UBE2E3: variants seen among roughly 807,000 people sequenced by gnomAD.
UBE2E3 encodes the protein ubiquitin-conjugating enzyme E2 E3.
A neutral mutation model predicts 23.6 loss-of-function variants in UBE2E3; 5 were observed. That is an observed-to-expected ratio of 0.21 (90% CI 0.11 to 0.44). The LOEUF is 0.44. Ranked by LOEUF, UBE2E3 falls within the 20% of genes least tolerant of loss-of-function variation. The pLI is 0.99. For synonymous variants in UBE2E3, 78 were observed against 87.5 expected, an observed-to-expected ratio of 0.89 and a Z score of 0.60; for missense variants, 81 against 249.8, an observed-to-expected ratio of 0.32 and a Z score of 4.55.
In UBE2E3 at chr2:181,047,253, C is replaced by T. The variant is rs148599386; in HGVS notation, c.246-10440C>T. ...TGTTAAACACCTGTTAGAGGTCTGA[C>T]ATGTATTATTGGGACTTAGGTGTGG... On this transcript the variant is annotated intron_variant, in intron 3 of 5. Coordinates refer to ENST00000410062, the MANE Select transcript of UBE2E3 (RefSeq NM_006357.4). Among the ~76,000 whole-genome samples, 299 of 152,210 alleles carry T rather than the reference C, an allele frequency of 2.0e-3. 1 individual carries two copies. Among genetic ancestry groups the T allele is most frequent in the South Asian group, 4.1e-3 (20 of 4,822 alleles).
In UBE2E3 at chr2:181,057,714, C is replaced by T. The variant is rs1362223457; in HGVS notation, c.267C>T (p.Asn89=). 6 of 1,609,452 alleles carry T rather than the reference C, an allele frequency of 3.7e-6. No homozygotes were observed. The highest frequency in any genetic ancestry group is 1.9e-4 in the Middle Eastern group (1 of 5,290). The change falls in exon 4 of 6, where the codon AAC becomes AAT. Residue 89 remains asparagine, a synonymous_variant. Coordinates refer to ENST00000410062, the MANE Select transcript of UBE2E3 (RefSeq NM_006357.4). ...PNCSAGPKGD[N]IYEWRSTILG... ...ATAGTGCTGGGCCTAAAGGAGATAACATTTATGAATGGAGATCAACTATAC... is the reference window on the plus strand; with the variant it reads ...ATAGTGCTGGGCCTAAAGGAGATAATATTTATGAATGGAGATCAACTATAC...
intron 3 of UBE2E3, among the ~76,000 whole-genome samples, chr2:181,047,501 T>C (rs1194150053): frequency 3.3e-5 from 5 of 152,178 alleles, no homozygotes; most frequent in Admixed American, 3.3e-4. Flanking sequence ...AACTTTTTTT[T>C]CAACATCCAT....
At chr2:181,060,290 T>G (rs1195432575) in intron 4 of UBE2E3, among the ~76,000 whole-genome samples, 1 of 151,758 alleles carries the variant, frequency 6.6e-6, no homozygotes, top group Non-Finnish European at 1.5e-5. Context: ...CAGTTCCTCT[T>G]ACCTTCGGCA....
At chr2:180,993,397 T>C (rs1684729237) in intron 3 of UBE2E3, among the ~76,000 whole-genome samples, 1 of 152,242 alleles carries the variant, frequency 6.6e-6, no homozygotes. Context: ...TGCTTTAGTG[T>C]TCCAGAGCAA....
chr2:180,984,912 T>C (rs1027678757), intron 3 of UBE2E3, among the ~76,000 whole-genome samples: 1 of 152,108 alleles, frequency 6.6e-6, no homozygotes, highest in Non-Finnish European at 1.5e-5. Flanking sequence ...AACAATATTG[T>C]AGATAGTTTG....
intron 3 of UBE2E3, among the ~76,000 whole-genome samples, chr2:181,021,340 G>A (rs977967220): frequency 6.7e-6 from 1 of 149,648 alleles, no homozygotes; most frequent in African/African-American, 2.5e-5. Context: ...CCATTACAGT[G>A]TTTCTTCTTT....
chr2:181,022,503 A>G (rs879778768), intron 3 of UBE2E3, among the ~76,000 whole-genome samples: 3 of 152,052 alleles, frequency 2.0e-5, no homozygotes, highest in Non-Finnish European at 2.9e-5. Flanking sequence ...CTCAGTGTAT[A>G]TTGTTGATTC....
intron 3 of UBE2E3, among the ~76,000 whole-genome samples, chr2:181,007,068 C>G (rs1685171751): frequency 6.6e-6 from 1 of 152,172 alleles, no homozygotes; most frequent in African/African-American, 2.4e-5. Flanking sequence ...TCTTTCATCT[C>G]CCAGTCCTTC....
intron 3 of UBE2E3, among the ~76,000 whole-genome samples, chr2:180,987,737 C>G (rs1301946404): frequency 6.6e-6 from 1 of 152,076 alleles, no homozygotes; most frequent in African/African-American, 2.4e-5. Context: ...GCCTAATTGT[C>G]TGAGGATAAA....
At chr2:181,056,358 G>A (rs1686988253) in intron 3 of UBE2E3, among the ~76,000 whole-genome samples, 1 of 151,740 alleles carries the variant, frequency 6.6e-6, no homozygotes, top group South Asian at 2.1e-4. Context: ...ACCTGAGACT[G>A]AGTAGGTTAT....
chr2:181,017,198 G>A lies in UBE2E3; in HGVS notation c.245+33105G>A, dbSNP rs188764319. On this transcript the variant is annotated intron_variant, in intron 3 of 5. Transcript: ENST00000410062. ...AGCCTGAAGGAAGGACATAGGGATC[G>A]GGAGTATGGAAGAATCACAGGGGCT... is the stretch of plus-strand genomic sequence containing the variant. Among the ~76,000 whole-genome samples the A allele has an allele frequency of 1.1e-3, 159 of 142,316 alleles. No homozygotes were observed. The East Asian group carries it at 0.027, about 24-fold the overall frequency. The allele number at this position is 142,316 out of a possible 152,430, so 93.4% of individuals were successfully genotyped here. A position where few individuals can be genotyped will look rare whatever the true frequency, so the allele number is the denominator to read the frequency against.
intron 3 of UBE2E3, among the ~76,000 whole-genome samples, chr2:181,057,123 G>A (rs1384962587): frequency 6.6e-6 from 1 of 151,790 alleles, no homozygotes; most frequent in Non-Finnish European, 1.5e-5. Context: ...TAAAGACACA[G>A]GAAATAACGT....
At chr2:180,986,355 ACTTTGT>A (rs1308167978) in intron 3 of UBE2E3, among the ~76,000 whole-genome samples, 6 of 152,112 alleles carry the variant, frequency 3.9e-5, no homozygotes, top group African/African-American at 1.4e-4. Context: ...ATATCCAGAT[ACTTTGT>A]CTTCAAATTC....
rs143994835 is a variant in UBE2E3 at position 181,040,971 on chromosome 2, C to T, written c.246-16722C>T. ...TTTCTCCAAAGAAATGCTTCAGGGC[C>T]GAGTGCAGTGGCTGACGCCTGTAAT... On this transcript the variant is annotated intron_variant, in intron 3 of 5. Coordinates refer to ENST00000410062, the MANE Select transcript of UBE2E3 (RefSeq NM_006357.4). Among the ~76,000 whole-genome samples, 988 of 152,104 alleles carry T rather than the reference C, an allele frequency of 6.5e-3. 6 individuals carry two copies. Among genetic ancestry groups the T allele is most frequent in the African/African-American group, 0.015 (605 of 41,494 alleles).
At chr2:180,992,959 A>T (rs967723558) in intron 3 of UBE2E3, among the ~76,000 whole-genome samples, 1 of 152,224 alleles carries the variant, frequency 6.6e-6, no homozygotes, top group Admixed American at 6.5e-5. Context: ...TCTCAGGGCA[A>T]CCTACCACAT....
chr2:181,016,473 G>C (rs962597259), intron 3 of UBE2E3, among the ~76,000 whole-genome samples: 1 of 152,074 alleles, frequency 6.6e-6, no homozygotes, highest in African/African-American at 2.4e-5. Context: ...GTGGCAGGTC[G>C]TATCATTTTC....
chr2:181,019,025 G>T (rs951745355), intron 3 of UBE2E3, among the ~76,000 whole-genome samples: 3 of 152,084 alleles, frequency 2.0e-5, no homozygotes, highest in African/African-American at 4.8e-5. Context: ...GGGCAGTGGT[G>T]TGATCTCTGC....
chr2:181,025,208 G>A (rs1685846762), intron 3 of UBE2E3, among the ~76,000 whole-genome samples: 1 of 151,876 alleles, frequency 6.6e-6, no homozygotes, highest in African/African-American at 2.4e-5. Flanking sequence ...AGACTACTTT[G>A]CACAATTATA....
At chr2:181,030,549 A>C (rs966707083) in intron 3 of UBE2E3, among the ~76,000 whole-genome samples, 3 of 152,006 alleles carry the variant, frequency 2.0e-5, no homozygotes, top group African/African-American at 7.2e-5. Flanking sequence ...CTTACACCTA[A>C]TTAGCCTGTT....
Sources: gnomAD v4.1 joint callset for allele counts (sites outside exome capture counted in the v4.1 genomes callset) on GRCh38, gnomAD v4.1.1 for gene constraint, MANE v1.5 for transcripts, NCBI Gene and HGNC (gene_info 2026-07-23, HGNC 2026-07-21) for gene names.